SPICE1: variants seen among roughly 807,000 people sequenced by gnomAD.
SPICE1 encodes the protein spindle and centriole-associated protein 1.
SPICE1 carries 75 observed loss-of-function variants against 102.7 expected under a neutral mutation model. The ratio of observed to expected loss-of-function variants is 0.73; its 90% CI spans 0.61 to 0.88. SPICE1 has a LOEUF of 0.88. Ranked by LOEUF, SPICE1 falls within the 40% of genes least tolerant of loss-of-function variation. The pLI, the probability that SPICE1 is intolerant of heterozygous loss-of-function variation, is 0.00. For synonymous variants in SPICE1, 308 were observed against 350.3 expected, an observed-to-expected ratio of 0.88 and a Z score of 1.35; for missense variants, 979 against 1,020.1, an observed-to-expected ratio of 0.96 and a Z score of 0.55.
At position 113,460,686 on chromosome 3, in the gene SPICE1, T is replaced by C; in HGVS notation, c.1366A>G (p.Ile456Val). Reference sequence around the variant, plus strand: ...GCCTGAATTTCTTGTCTGTTATTTATCACAGGACAGTTCTTAATAGCATGT... The same window carrying C: ...GCCTGAATTTCTTGTCTGTTATTTACCACAGGACAGTTCTTAATAGCATGT... Reference protein sequence around the residue: ...LTHAIKNCPVINNRQEIQASE... With the variant: ...LTHAIKNCPVVNNRQEIQASE... Residue 456 changes from isoleucine (I) to valine (V), a missense_variant, in exon 12 of 18, where the codon ATA becomes GTA. Transcript: ENST00000295872. The C allele has an allele frequency of 6.2e-7, 1 of 1,613,990 alleles. No homozygotes were observed. Among genetic ancestry groups the C allele is most frequent in the Non-Finnish European group, 8.5e-7 (1 of 1,179,950 alleles).
chr3:113,454,236 T>G (rs1935728726), intron 13 of SPICE1, among the ~76,000 whole-genome samples: 1 of 152,124 alleles, frequency 6.6e-6, no homozygotes, highest in African/African-American at 2.4e-5. Flanking sequence ...CTGGGAATCT[T>G]GGGGAATGAG....
Position 113,448,113 on chromosome 3 carries a change from G to C in SPICE1, c.2351C>G (p.Ser784Cys). 1 of 1,611,206 alleles carries C rather than the reference G, an allele frequency of 6.2e-7. No individual in the cohort carries two copies. The highest frequency in any genetic ancestry group is 8.5e-7 in the Non-Finnish European group (1 of 1,178,612). Residue 784 changes from serine (S) to cysteine (C), a missense_variant, in exon 16 of 18, where the codon TCT (serine) becomes TGT (cysteine). Physicochemically the swap from Ser to Cys is moderately radical, Grantham distance 112 (BLOSUM62 -1). Transcript: ENST00000295872. ...TEGAKRTIEVSIPGAEAPESS... is the reference protein window; with the variant it reads ...TEGAKRTIEVCIPGAEAPESS... ...TTCTGGGGCTTCTGCTCCTGGAATA[G>C]ATACCTCAATTGTCCTCTTTGCTCC...
chr3:113,498,504 T>C (rs181574005), intron 4 of SPICE1, among the ~76,000 whole-genome samples: 189 of 152,344 alleles, frequency 1.2e-3, no homozygotes, highest in African/African-American at 4.2e-3. Context: ...TTTAAATGTA[T>C]GCGACTTGTC....
At chr3:113,459,455 AC>A (rs201979723) in intron 12 of SPICE1, 53 of 969,620 alleles carry the variant, frequency 5.5e-5, no homozygotes, top group Middle Eastern at 1.1e-3. Flanking sequence ...ACAAAACAAA[AC>A]AAAAAAAAAC....
In SPICE1 at chr3:113,468,760, A is replaced by C; in HGVS notation, c.889+2T>G. 1 of 1,611,352 alleles carries C rather than the reference A, an allele frequency of 6.2e-7. No individual in the cohort carries two copies. Among genetic ancestry groups the C allele is most frequent in the Non-Finnish European group, 8.5e-7 (1 of 1,179,294 alleles). Reference sequence around the variant, plus strand: ...TCATCTTTGTAAATTAAGGGACTGAACCTTTATTTAACAGCTGTTTTTGCT... The same window carrying C: ...TCATCTTTGTAAATTAAGGGACTGACCCTTTATTTAACAGCTGTTTTTGCT... On this transcript the variant is annotated splice_donor_variant, in intron 9 of 17. Coordinates refer to ENST00000295872, the MANE Select transcript of SPICE1 (RefSeq NM_144718.4). LOFTEE classifies it high-confidence loss of function.
intron 1 of SPICE1, among the ~76,000 whole-genome samples, chr3:113,512,675 G>A (rs1345132802): frequency 6.6e-6 from 1 of 152,086 alleles, no homozygotes; most frequent in African/African-American, 2.4e-5. Context: ...CCAAAGTGCT[G>A]GGATTACAGG....
chr3:113,486,327 C>G, intron 7 of SPICE1, among the ~76,000 whole-genome samples: 1 of 148,908 alleles, frequency 6.7e-6, no homozygotes, highest in South Asian at 2.1e-4. Flanking sequence ...CAAAAGTTAG[C>G]AGAAGACAAG....
intron 16 of SPICE1, 96 bp downstream of exon 16, chr3:113,447,942 G>C (rs550340017): frequency 8.8e-6 from 10 of 1,131,242 alleles, no homozygotes; most frequent in African/African-American, 8.0e-5. Flanking sequence ...ACCTAAGTCA[G>C]ATACTGTACA....
At position 113,448,244 on chromosome 3, in the gene SPICE1, C is replaced by T. The variant is rs983127210; in HGVS notation, c.2324-104G>A. On this transcript the variant is annotated intron_variant, in intron 15 of 17. Coordinates refer to ENST00000295872, the MANE Select transcript of SPICE1 (RefSeq NM_144718.4). ...ACTGCACATTAAAAATTTGGTGGTT[C>T]TTTCCATCTGTTTTAATCTTAGCCC... 3 of 995,068 alleles carry T rather than the reference C, an allele frequency of 3.0e-6. No homozygotes were observed. In the African/African-American group the frequency reaches 5.0e-5, roughly 17 times the overall value. The allele number at this position is 995,068 out of a possible 1,614,324, so 61.6% of individuals were successfully genotyped here.
At chr3:113,514,285 A>T (rs9872168) in intron 1 of SPICE1, 18 of 206,166 alleles carry the variant, frequency 8.7e-5, no homozygotes, top group Non-Finnish European at 1.7e-4. Flanking sequence ...TTATGACTGG[A>T]CTTAGTAAAT....
At chr3:113,457,545 C>T (rs1484493926) in intron 12 of SPICE1, among the ~76,000 whole-genome samples, 188 bp from the exon 13 acceptor site, 2 of 152,112 alleles carry the variant, frequency 1.3e-5, no homozygotes, top group Non-Finnish European at 2.9e-5. Context: ...TCCTGGGGGG[C>T]TAGTACTGAG....
At chr3:113,467,848 T>C (rs1936096242) in intron 10 of SPICE1, among the ~76,000 whole-genome samples, 1 of 152,212 alleles carries the variant, frequency 6.6e-6, no homozygotes, top group Non-Finnish European at 1.5e-5. Flanking sequence ...CAAACAGTAA[T>C]ATTTAATATT....
At chr3:113,459,832 A>T (rs1455534016) in intron 12 of SPICE1, 1 of 965,734 alleles carries the variant, frequency 1.0e-6, no homozygotes, top group Non-Finnish European at 1.2e-6. Flanking sequence ...CAGTAAGCCG[A>T]GAGGGCGCCA....
At chr3:113,445,659 T>C (rs1286130988) in intron 17 of SPICE1, among the ~76,000 whole-genome samples, 1 of 152,216 alleles carries the variant, frequency 6.6e-6, no homozygotes, top group Non-Finnish European at 1.5e-5. Flanking sequence ...TTATTTGGTC[T>C]TAGTAAATTA....
chr3:113,503,455 T>C (rs1220008071), intron 2 of SPICE1, among the ~76,000 whole-genome samples: 1 of 152,160 alleles, frequency 6.6e-6, no homozygotes, highest in Non-Finnish European at 1.5e-5. Context: ...AAATAAGTAC[T>C]GTATTCACCA....
At chr3:113,493,373 T>C in intron 5 of SPICE1, 61 bp from the exon 6 acceptor site, 1 of 1,293,854 alleles carries the variant, frequency 7.7e-7, no homozygotes, top group East Asian at 2.4e-5. Context: ...CTTCACAAGC[T>C]CTATACTGCC....
At chr3:113,459,375 C>G (rs1424320706) in intron 12 of SPICE1, 1 of 752,592 alleles carries the variant, frequency 1.3e-6, no homozygotes, top group Non-Finnish European at 1.6e-6. Context: ...ACGACCCTGC[C>G]AAATCCCCCT....
At chr3:113,513,801 T>TCATC (rs1937265311) in intron 1 of SPICE1, among the ~76,000 whole-genome samples, 1 of 152,238 alleles carries the variant, frequency 6.6e-6, no homozygotes, top group Non-Finnish European at 1.5e-5. Flanking sequence ...ACTGACTTCA[T>TCATC]CATCCATCTA....
At chr3:113,497,103 G>A (rs1040784272) in intron 4 of SPICE1, among the ~76,000 whole-genome samples, 8 of 152,184 alleles carry the variant, frequency 5.3e-5, no homozygotes, top group African/African-American at 1.9e-4. Context: ...TGACTTTCTG[G>A]CCAACAGGAT....
Sources: gnomAD v4.1 joint callset for allele counts (sites outside exome capture counted in the v4.1 genomes callset) on GRCh38, gnomAD v4.1.1 for gene constraint, MANE v1.5 for transcripts, NCBI Gene and HGNC (gene_info 2026-07-23, HGNC 2026-07-21) for gene names.